EFCAB5: variants seen among roughly 807,000 people sequenced by gnomAD.
EFCAB5 encodes EF-hand calcium-binding domain-containing protein 5.
Under a neutral mutation model 167.9 loss-of-function variants are expected in EFCAB5, and 131 were observed. The observed-to-expected ratio is 0.78, with a 90% CI of 0.68 to 0.90. The LOEUF is 0.90. EFCAB5 is among the 40% of genes least tolerant of loss of function. EFCAB5 has a pLI of 0.00. For missense variants in EFCAB5, 1,663 were observed against 1,745.2 expected (o/e 0.95, Z 0.84); for synonymous variants, 574 against 602.8 (o/e 0.95, Z 0.70).
chr17:29,962,597 C>T (rs1279539398), intron 3 of EFCAB5, among the ~76,000 whole-genome samples: 1 of 148,374 alleles, frequency 6.7e-6, no homozygotes, highest in Non-Finnish European at 1.5e-5. Flanking sequence ...CAGCTACCAA[C>T]AGCTGGGACT....
chr17:29,936,748 C>G (rs979903809), upstream of EFCAB5, among the ~76,000 whole-genome samples: 1 of 152,172 alleles, frequency 6.6e-6, no homozygotes, highest in African/African-American at 2.4e-5. Flanking sequence ...CTCTTAAAGA[C>G]AGTTAAAGAC....
At chr17:30,019,865 G>A (rs1234798164) in intron 7 of EFCAB5, among the ~76,000 whole-genome samples, 1 of 151,946 alleles carries the variant, frequency 6.6e-6, no homozygotes, top group Non-Finnish European at 1.5e-5. Context: ...CCTCTATTTA[G>A]TTTATTTTTA....
chr17:29,955,307 A>G (rs969177658), intron 3 of EFCAB5, among the ~76,000 whole-genome samples: 1 of 152,116 alleles, frequency 6.6e-6, no homozygotes, highest in Non-Finnish European at 1.5e-5. Flanking sequence ...CCCACGTGTC[A>G]TGGGAGGGAC....
chr17:30,081,357 C>T (rs1378682178), intron 17 of EFCAB5, among the ~76,000 whole-genome samples: 2 of 152,144 alleles, frequency 1.3e-5, no homozygotes, highest in Non-Finnish European at 2.9e-5. Context: ...ATCTTTTGTA[C>T]TTTCTACAAA....
At chr17:30,057,635 A>C (rs776307649) in intron 12 of EFCAB5, 41 bp from the exon 13 acceptor site, 1 of 1,558,226 alleles carries the variant, frequency 6.4e-7, no homozygotes. Context: ...AACTGAAAAA[A>C]TTGTTCACTT....
At position 30,092,112 on chromosome 17, in the gene EFCAB5, G is replaced by A. The variant is rs768434741; in HGVS notation, c.4179G>A (p.Glu1393=). 1.2e-6 allele frequency: 2 copies of A among 1,613,820 alleles called. No homozygotes were observed. The highest frequency in any genetic ancestry group is 1.7e-6 in the Non-Finnish European group (2 of 1,179,790). The part of the protein sequence containing the change: ...LKAVILFFHP[E]LEFSSDFGSW... ...CGGTTATCTTGTTCTTTCATCCAGA[G>A]TTGGAATTTTCAAGTGACTTTGGAA... The change falls in exon 21 of 23, where the codon GAG becomes GAA. Residue 1393 remains glutamate (E), a synonymous_variant. Transcript: ENST00000394835.
At chr17:30,030,693 C>T (rs1034134976) in intron 7 of EFCAB5, among the ~76,000 whole-genome samples, 15 of 151,764 alleles carry the variant, frequency 9.9e-5, no homozygotes, top group East Asian at 5.8e-4. Flanking sequence ...AACAGGGTCC[C>T]GCTCTGTTGC....
chr17:29,972,354 A>G (rs1462319543), intron 4 of EFCAB5, among the ~76,000 whole-genome samples: 3 of 151,800 alleles, frequency 2.0e-5, no homozygotes, highest in Non-Finnish European at 4.4e-5. Flanking sequence ...CGGCCCAGGC[A>G]TTTTTTAAAT....
chr17:30,076,334 C>T (rs1442520256), intron 14 of EFCAB5, among the ~76,000 whole-genome samples: 1 of 152,240 alleles, frequency 6.6e-6, no homozygotes, highest in Non-Finnish European at 1.5e-5. Context: ...AATGTCATGA[C>T]TGGCTTAAGC....
intron 18 of EFCAB5, 39 bp from the exon 19 acceptor site, chr17:30,087,024 G>C (rs372130493): frequency 3.7e-4 from 586 of 1,563,230 alleles, no homozygotes; most frequent in Non-Finnish European, 5.0e-4. Flanking sequence ...AGAATATGAG[G>C]TCTAATTACT....
intron 14 of EFCAB5, among the ~76,000 whole-genome samples, chr17:30,062,588 G>A (rs747050268): frequency 1.1e-4 from 16 of 152,194 alleles, no homozygotes; most frequent in South Asian, 2.1e-4. Flanking sequence ...CTTGTGGCCC[G>A]TGTGGCTACT....
chr17:29,984,429 A>T (rs1156255281), intron 4 of EFCAB5, among the ~76,000 whole-genome samples: 1 of 151,878 alleles, frequency 6.6e-6, no homozygotes, highest in African/African-American at 2.4e-5. Flanking sequence ...CCTTTAAAAT[A>T]CTCATTAAGG....
chr17:29,961,673 ACCT>A (rs1376670426), intron 3 of EFCAB5, among the ~76,000 whole-genome samples: 1 of 151,822 alleles, frequency 6.6e-6, no homozygotes, highest in East Asian at 1.9e-4. Context: ...TGCAACCTTG[ACCT>A]CCTGGGCTGA....
At chr17:30,087,208 C>T (rs1567770285) in intron 19 of EFCAB5, 42 bp downstream of exon 19, 2 of 1,536,152 alleles carry the variant, frequency 1.3e-6, no homozygotes, top group Non-Finnish European at 9.0e-7. Flanking sequence ...AGAACACATC[C>T]TTCTGGTACA....
chr17:30,096,350 TACTTTGATATCTGATTAAAG>T (rs2151853802), intron 22 of EFCAB5, among the ~76,000 whole-genome samples: 1 of 152,280 alleles, frequency 6.6e-6, no homozygotes, highest in African/African-American at 2.4e-5. Context: ...ACATTACTGC[TACTTTGATATCTGATTAAAG>T]ACTTTTAAAA....
intron 7 of EFCAB5, among the ~76,000 whole-genome samples, chr17:30,009,516 C>T (rs1310151376): frequency 6.6e-6 from 1 of 152,138 alleles, no homozygotes; most frequent in Non-Finnish European, 1.5e-5. Flanking sequence ...GCTTCTTGTA[C>T]TTGTCATAAT....
chr17:30,019,222 G>A (rs907300787), intron 7 of EFCAB5, among the ~76,000 whole-genome samples: 1 of 152,058 alleles, frequency 6.6e-6, no homozygotes, highest in Non-Finnish European at 1.5e-5. Context: ...CAATAAATAT[G>A]TTTGCTCTTA....
chr17:30,101,902 G>A (rs2071387539), intron 22 of EFCAB5, among the ~76,000 whole-genome samples: 1 of 152,226 alleles, frequency 6.6e-6, no homozygotes, highest in Non-Finnish European at 1.5e-5. Flanking sequence ...GCTGTTGTTA[G>A]AGTAACCATA....
intron 14 of EFCAB5, among the ~76,000 whole-genome samples, chr17:30,072,886 T>G (rs552832583): frequency 2.0e-5 from 3 of 152,178 alleles, no homozygotes; most frequent in Non-Finnish European, 4.4e-5. Flanking sequence ...TGTCAACTTT[T>G]CATTTATTCA....
Sources: gnomAD v4.1 joint callset for allele counts (sites outside exome capture counted in the v4.1 genomes callset) on GRCh38, gnomAD v4.1.1 for gene constraint, MANE v1.5 for transcripts, NCBI Gene and HGNC (gene_info 2026-07-23, HGNC 2026-07-21) for gene names.